The following MAP3K11 variants were observed in gnomAD, a reference collection of about 807,000 sequenced individuals.
The protein encoded by MAP3K11 is SH3 domain-containing proline-rich kinase.
In MAP3K11, 46 loss-of-function variants were observed where a neutral mutation model predicts 84.9. The observed-to-expected ratio is 0.54, with a 90% CI of 0.43 to 0.69. The LOEUF (loss-of-function observed/expected upper bound fraction) is 0.69. MAP3K11 is among the 30% of genes least tolerant of loss of function. The pLI is 0.00. For missense variants in MAP3K11, 1,053 were observed against 1,198.3 expected, an observed-to-expected ratio of 0.88 and a Z score of 1.79; for synonymous variants, 527 against 514.7, an observed-to-expected ratio of 1.02 and a Z score of -0.32.
intron 8 of MAP3K11, among the ~76,000 whole-genome samples, chr11:65,604,154 TG>T (rs1854483028): frequency 6.6e-6 from 1 of 152,366 alleles, no homozygotes; most frequent in South Asian, 2.1e-4. Flanking sequence ...CATGAATATA[TG>T]GGCTAATAAG....
At chr11:65,599,968 G>A (rs1704407381) in intron 8 of MAP3K11, among the ~76,000 whole-genome samples, 200 bp from the exon 9 acceptor site, 2 of 152,250 alleles carry the variant, frequency 1.3e-5, no homozygotes, top group South Asian at 4.1e-4. Flanking sequence ...GGGGAGGGCA[G>A]TGCAGGTGGA....
chr11:65,598,449 G>T lies in MAP3K11; in HGVS notation c.2386C>A (p.Pro796Thr). 1 of 1,611,828 alleles carries T rather than the reference G, an allele frequency of 6.2e-7. No homozygotes were observed. The highest frequency in any genetic ancestry group is 1.1e-5 in the South Asian group (1 of 90,794). ...GTCCAGGGTGCTCGGCGGGGTGCAG[G>T]CTGTGGTGATGGCAGGGGAGAAGGC... is the stretch of plus-strand genomic sequence containing the variant. ...PRPSPLPSPQ[P>T]APRRAPWTLF... The change falls in exon 10 of 10, where the codon CCT (proline) becomes ACT (threonine). Residue 796 changes from proline to threonine, a missense_variant. This residue lies in a region of MAP3K11 where 583 missense variants were observed against 566.6 expected (regional missense o/e 1.03). Coordinates refer to ENST00000309100, the MANE Select transcript of MAP3K11 (RefSeq NM_002419.4).
rs1466995082 is a variant in MAP3K11, at chr11:65,608,257, A to C, written c.920+11T>G. ...CCGTAGCAGCCCGTCCAGCCCCACC[A>C]AGGGCCGCACCTCCAGACGTCACTG... On this transcript the variant is annotated intron_variant, in intron 2 of 9. Coordinates refer to ENST00000309100, the MANE Select transcript of MAP3K11 (RefSeq NM_002419.4). 9 of 1,611,338 alleles carry C rather than the reference A, an allele frequency of 5.6e-6. No individual in the cohort carries two copies. Among genetic ancestry groups the C allele is most frequent in the Non-Finnish European group, 7.6e-6 (9 of 1,177,998 alleles).
Position 65,606,806 on chromosome 11 carries a change from TG to T in MAP3K11, c.1490-3del. On this transcript the variant is annotated splice_polypyrimidine_tract_variant and splice_region_variant and intron_variant, in intron 5 of 9. Transcript: ENST00000309100. ...GCACGGTGATGCGGTGCTTGAAGTC[TG>T]GGATTTGGGTTGGGGGGAGCAGGGT... The T allele has an allele frequency of 6.3e-7, 1 of 1,593,764 alleles. No individual in the cohort carries two copies. Among genetic ancestry groups the T allele is most frequent in the South Asian group, 1.1e-5 (1 of 89,028 alleles).
intron 6 of MAP3K11, 118 bp from the exon 7 acceptor site, chr11:65,606,199 G>C: frequency 8.2e-7 from 1 of 1,223,084 alleles, no homozygotes; most frequent in Non-Finnish European, 1.1e-6. Context: ...ACCATTCCCA[G>C]GGTGAGCTTT....
chr11:65,608,186 T>G lies in MAP3K11; in HGVS notation c.920+82A>C. On this transcript the variant is annotated intron_variant, in intron 2 of 9. Coordinates refer to ENST00000309100, the MANE Select transcript of MAP3K11 (RefSeq NM_002419.4). Reference sequence around the variant, plus strand: ...GTGGTTTGGGTCCCTGTCCCTGGACTTGGCCCAGCCCTAGATTTAGGCAGC... The same window carrying G: ...GTGGTTTGGGTCCCTGTCCCTGGACGTGGCCCAGCCCTAGATTTAGGCAGC... 2.5e-6 allele frequency: 4 copies of G among 1,591,376 alleles called. No homozygotes were observed. The Admixed American group carries it at 6.7e-5, about 27-fold the overall frequency.
At position 65,612,894 on chromosome 11, in the gene MAP3K11, C is replaced by T. The variant is rs558308228; in HGVS notation, c.739+124G>A. The T allele has an allele frequency of 4.2e-6, 5 of 1,182,246 alleles. No homozygotes were observed. In the African/African-American group the frequency reaches 7.8e-5, roughly 18 times the overall value. 73.2% of individuals were successfully genotyped at this position (1,182,246 alleles called of 1,614,324 possible). On this transcript the variant is annotated intron_variant, in intron 1 of 9. Coordinates refer to ENST00000309100, the MANE Select transcript of MAP3K11 (RefSeq NM_002419.4). ...GCTTGAGCCCATGGGCACCCCTGGT[C>T]AGCTGGGACCCCCTAGGGTGGGAGC... is the stretch of plus-strand genomic sequence containing the variant.
chr11:65,608,592 T>C, intron 1 of MAP3K11, 144 bp from the exon 2 acceptor site: 1 of 639,210 alleles, frequency 1.6e-6, no homozygotes, highest in Non-Finnish European at 2.8e-6. Context: ...GAGGACCTAC[T>C]TGAGGTCAGA....
In MAP3K11 at chr11:65,613,073, G is replaced by A. The variant is rs1435373298; in HGVS notation, c.684C>T (p.Tyr228=). ...CGGGCACCAGGGCCTCGCAGTGCAGGTAGTGCATCCCACGGGCAATCTGCA... is the reference window on the plus strand; with the variant it reads ...CGGGCACCAGGGCCTCGCAGTGCAGATAGTGCATCCCACGGGCAATCTGCA... ...WAVQIARGMH[Y]LHCEALVPVI... is the part of the protein sequence containing the mutation. Residue 228 remains tyrosine, a synonymous_variant, in exon 1 of 10, where the codon TAC becomes TAT. Transcript: ENST00000309100. 43 of 1,535,990 alleles carry A rather than the reference G, an allele frequency of 2.8e-5. No individual in the cohort carries two copies. Among genetic ancestry groups the A allele is most frequent in the Non-Finnish European group, 3.7e-5 (42 of 1,141,270 alleles).
In MAP3K11 at chr11:65,613,893, C is replaced by G; in HGVS notation, c.-137G>C. On this transcript the variant is annotated 5_prime_UTR_variant, in exon 1 of 10. Coordinates refer to ENST00000309100, the MANE Select transcript of MAP3K11 (RefSeq NM_002419.4). ...CCCTCAGCCCCAGACCCACGCCTCT[C>G]TGGGGAGCCAGGAGTGTTGTCTCCC... 1 of 990,002 alleles carries G rather than the reference C, an allele frequency of 1.0e-6. No homozygotes were observed. The highest frequency in any genetic ancestry group is 1.4e-6 in the Non-Finnish European group (1 of 699,058). The allele number at this position is 990,002 out of a possible 1,614,324, so 61.3% of individuals were successfully genotyped here.
chr11:65,597,821 A>G lies in MAP3K11; in HGVS notation c.*470T>C, dbSNP rs1162663902. 6.3e-6 allele frequency: 1 copy of G among 158,326 alleles called. No individual in the cohort carries two copies. Among genetic ancestry groups the G allele is most frequent in the East Asian group, 1.9e-4 (1 of 5,386 alleles). The allele number at this position is 158,326 out of a possible 1,614,324, so 9.8% of individuals were successfully genotyped here. On this transcript the variant is annotated 3_prime_UTR_variant, in exon 10 of 10. Coordinates refer to ENST00000309100, the MANE Select transcript of MAP3K11 (RefSeq NM_002419.4). ...ACTGGATCCCGAGGCTAAGACTCCAACCCTGGCTGGGGCAGCAGGAAGGCA... is the reference window on the plus strand; with the variant it reads ...ACTGGATCCCGAGGCTAAGACTCCAGCCCTGGCTGGGGCAGCAGGAAGGCA...
At position 65,606,721 on chromosome 11, in the gene MAP3K11, G is replaced by C; in HGVS notation, c.1573C>G (p.Pro525Ala). Residue 525 changes from proline to alanine, a missense_variant, in exon 6 of 10, where the codon CCC becomes GCC. By Grantham distance (27) the Pro-to-Ala change is conservative. Around this residue, in one of 3 missense-constraint regions of MAP3K11, gnomAD observed 583 missense variants for 566.6 expected, o/e 1.03. Coordinates refer to ENST00000309100, the MANE Select transcript of MAP3K11 (RefSeq NM_002419.4). ...NVFEVGPGDS[P>A]TFPRFRAIQL... ...ATGGCTCGGAACCGGGGAAAGGTGG[G>C]CGAATCCCCAGGCCCGACCTCGAAG... is the stretch of plus-strand genomic sequence containing the variant. 2 of 1,602,498 alleles carry C rather than the reference G, an allele frequency of 1.2e-6. No homozygotes were observed. The highest frequency in any genetic ancestry group is 1.7e-6 in the Non-Finnish European group (2 of 1,175,134).
At position 65,607,445 on chromosome 11, in the gene MAP3K11, C is replaced by A; in HGVS notation, c.1314G>T (p.Leu438=). The change falls in exon 5 of 10, where the codon CTG becomes CTT. Residue 438 remains leucine (L), a synonymous_variant. Coordinates refer to ENST00000309100, the MANE Select transcript of MAP3K11 (RefSeq NM_002419.4). ...GGGCCAGCAGGTGCTCGCGCCGCCG[C>A]AGCTGCTCCGCCTGTGACCGCTGCT... ...AREQRSQAEQ[L]RRREHLLAQW... The A allele has an allele frequency of 6.6e-7, 1 of 1,525,676 alleles. No homozygotes were observed. The highest frequency in any genetic ancestry group is 1.2e-5 in the South Asian group (1 of 80,272). The allele number at this position is 1,525,676 out of a possible 1,614,324, so 94.5% of individuals were successfully genotyped here.
intron 1 of MAP3K11, 146 bp from the exon 2 acceptor site, chr11:65,608,594 G>T: frequency 3.2e-6 from 2 of 632,294 alleles, no homozygotes. Context: ...GGACCTACTT[G>T]AGGTCAGACA....
At chr11:65,600,207 C>T (rs987278206) in intron 8 of MAP3K11, among the ~76,000 whole-genome samples, 1 of 152,224 alleles carries the variant, frequency 6.6e-6, no homozygotes, top group Admixed American at 6.5e-5. Context: ...GCCCACCCAC[C>T]CCCGCTCCAG....
At chr11:65,606,279 GAA>G (rs1350330627) in intron 6 of MAP3K11, 198 bp from the exon 7 acceptor site, 2 of 535,454 alleles carry the variant, frequency 3.7e-6, no homozygotes, top group Non-Finnish European at 6.3e-6. Flanking sequence ...CCCTTGGGCT[GAA>G]GTTTGCTGCT....
chr11:65,612,964 G>A, intron 1 of MAP3K11, 54 bp downstream of exon 1: 1 of 1,496,954 alleles, frequency 6.7e-7, no homozygotes, highest in Non-Finnish European at 8.9e-7. Context: ...GGAAGGTTGG[G>A]AGCAGGTGTG....
Position 65,607,270 on chromosome 11 carries a change from C to A in MAP3K11, c.1489G>T (p.Asp497Tyr), listed in dbSNP as rs1225060892. 1 of 1,514,244 alleles carries A rather than the reference C, an allele frequency of 6.6e-7. No individual in the cohort carries two copies. 93.8% of individuals were successfully genotyped at this position (1,514,244 alleles called of 1,614,324 possible). A position where few individuals can be genotyped will look rare whatever the true frequency, so the allele number is the denominator to read the frequency against. Residue 497 changes from aspartate (D) to tyrosine (Y), a missense_variant and splice_region_variant, in exon 5 of 10, where the codon GAC (aspartate) becomes TAC (tyrosine). By Grantham distance (160) the Asp-to-Tyr change is radical (BLOSUM62 -3). Transcript: ENST00000309100. The part of the protein sequence containing the change: ...DGGERISMPL[D>Y]FKHRITVQAS... ...GGACGCCCCGGGGCCCGGCCCTCAC[C>A]GAGTGGCATGCTGATACGCTCGCCG...
intron 5 of MAP3K11, 57 bp from the exon 6 acceptor site, chr11:65,606,861 C>T: frequency 8.5e-7 from 1 of 1,174,156 alleles, no homozygotes; most frequent in Non-Finnish European, 1.2e-6. Context: ...AGAGCCAGGA[C>T]CCCAACCTGC....
Sources: allele counts gnomAD v4.1 joint callset (sites outside exome capture counted in the v4.1 genomes callset), GRCh38; gene constraint gnomAD v4.1.1; regional missense constraint gnomAD v4.1.1; transcripts MANE v1.5; gene names NCBI Gene and HGNC (gene_info 2026-07-23, HGNC 2026-07-21).